AKT2: variants seen among roughly 807,000 people sequenced by gnomAD.
The protein encoded by AKT2 is AKT serine/threonine kinase 2, also known as RAC-beta serine/threonine-protein kinase.
A neutral mutation model predicts 58.6 loss-of-function variants in AKT2; 16 were observed. The observed-to-expected ratio is 0.27, with a 90% CI of 0.18 to 0.41. The LOEUF is 0.41. Ranked by LOEUF, AKT2 falls within the 10% of genes least tolerant of loss-of-function variation. The probability of loss-of-function intolerance (pLI) is 1.00; values close to 1 mark genes in which losing one functional copy is unlikely to be tolerated. For missense variants in AKT2, 438 were observed against 661.0 expected (o/e 0.66, Z 3.70); for synonymous variants, 253 against 254.0 (o/e 1.00, Z 0.04).
chr19:40,283,770 TTCCTCCCTGG>T (rs1182864170), intron 1 of AKT2, among the ~76,000 whole-genome samples: 1 of 152,106 alleles, frequency 6.6e-6, no homozygotes, highest in East Asian at 1.9e-4. Context: ...CAGAGCAGCC[TTCCTCCCTGG>T]GCCAGGCTGG....
chr19:40,259,005 C>T (rs1190288551), intron 2 of AKT2, among the ~76,000 whole-genome samples: 1 of 152,050 alleles, frequency 6.6e-6, no homozygotes, highest in East Asian at 1.9e-4. Context: ...TCAAAATTTA[C>T]TATACAAAGC....
At chr19:40,265,432 C>A in intron 1 of AKT2, 81 bp from the exon 2 acceptor site, 1 of 1,505,686 alleles carries the variant, frequency 6.6e-7, no homozygotes. Flanking sequence ...GGCTCTGAGG[C>A]CCTCTGGCTG....
In AKT2 at chr19:40,234,605, C is replaced by T; in HGVS notation, c.1366+440G>A. 2.2e-6 allele frequency: 1 copy of T among 449,438 alleles called. No individual in the cohort carries two copies. 27.8% of individuals were successfully genotyped at this position (449,438 alleles called of 1,614,324 possible). A position where few individuals can be genotyped will look rare whatever the true frequency, so the allele number is the denominator to read the frequency against. On this transcript the variant is annotated intron_variant, in intron 13 of 13. Coordinates refer to ENST00000392038, the MANE Select transcript of AKT2 (RefSeq NM_001626.6). The surrounding 1 kb of genome is among the most constrained non-coding windows in gnomAD (Gnocchi z 4.7). Reference sequence around the variant, plus strand: ...CAGGTCGGATATTTCCTCTGGGATTCCCCAGTCCCTGGCCTCCCACGCCCT... The same window carrying T: ...CAGGTCGGATATTTCCTCTGGGATTTCCCAGTCCCTGGCCTCCCACGCCCT...
intron 2 of AKT2, among the ~76,000 whole-genome samples, chr19:40,258,764 C>T (rs1288625495): frequency 6.6e-6 from 1 of 151,568 alleles, no homozygotes; most frequent in East Asian, 1.9e-4. Context: ...TAGAGATCTA[C>T]ATAAATGCAA....
In AKT2 at chr19:40,237,029, C is replaced by T. The variant is rs1974075152; in HGVS notation, c.832-644G>A. 1 of 172,016 alleles carries T rather than the reference C, an allele frequency of 5.8e-6. No individual in the cohort carries two copies. The highest frequency in any genetic ancestry group is 5.5e-5 in the Admixed American group (1 of 18,236). The allele number at this position is 172,016 out of a possible 1,614,324, so 10.7% of individuals were successfully genotyped here. ...CCTCTACTTCCCATCTGTACCACTGCACACAGACACACCTGTGAACTGTGG... is the reference window on the plus strand; with the variant it reads ...CCTCTACTTCCCATCTGTACCACTGTACACAGACACACCTGTGAACTGTGG... On this transcript the variant is annotated intron_variant, in intron 9 of 13. Transcript: ENST00000392038. The surrounding 1 kb of genome is among the most constrained non-coding windows in gnomAD (Gnocchi z 4.5).
intron 4 of AKT2, among the ~76,000 whole-genome samples, chr19:40,249,450 T>TGG (rs1187616854): frequency 2.0e-5 from 3 of 152,220 alleles, no homozygotes; most frequent in African/African-American, 7.2e-5. Flanking sequence ...ACACGGCAGC[T>TGG]GGCCTGAATC....
intron 4 of AKT2, among the ~76,000 whole-genome samples, chr19:40,254,328 G>A (rs922675729): frequency 6.6e-6 from 1 of 152,064 alleles, no homozygotes; most frequent in African/African-American, 2.4e-5. Flanking sequence ...AAAAGTTCGA[G>A]ACCAGTGTGG....
In AKT2 at chr19:40,285,258, T is replaced by C; in HGVS notation, c.-162A>G. ...GCCACGCTGCGCTGGTTCCCTTTCCTTGTGTTTCCCGGCAGCGGCAACGGC... is the reference window on the plus strand; with the variant it reads ...GCCACGCTGCGCTGGTTCCCTTTCCCTGTGTTTCCCGGCAGCGGCAACGGC... On this transcript the variant is annotated 5_prime_UTR_variant, in exon 1 of 14. Transcript: ENST00000392038. 5.1e-6 allele frequency: 2 copies of C among 395,288 alleles called. No individual in the cohort carries two copies. Among genetic ancestry groups the C allele is most frequent in the Non-Finnish European group, 8.9e-6 (2 of 223,978 alleles). 24.5% of individuals were successfully genotyped at this position (395,288 alleles called of 1,614,324 possible).
At chr19:40,267,926 G>C (rs924494832) in intron 1 of AKT2, among the ~76,000 whole-genome samples, 1 of 139,028 alleles carries the variant, frequency 7.2e-6, no homozygotes, top group African/African-American at 2.7e-5. Context: ...GCAGACACCC[G>C]AGTTAACTGA....
chr19:40,285,308 G>A lies in AKT2; in HGVS notation c.-212C>T. On this transcript the variant is annotated 5_prime_UTR_variant, in exon 1 of 14. Coordinates refer to ENST00000392038, the MANE Select transcript of AKT2 (RefSeq NM_001626.6). The stretch of plus-strand genomic sequence containing the variant: ...CGCCGGCAGCGGCAGCGGCGGCGGC[G>A]ACGCCTCCTCCGAGGCAGGCCCAAC... The A allele has an allele frequency of 5.1e-6, 2 of 394,648 alleles. No individual in the cohort carries two copies. The highest frequency in any genetic ancestry group is 7.2e-5 in the East Asian group (2 of 27,780). The allele number at this position is 394,648 out of a possible 1,614,324, so 24.4% of individuals were successfully genotyped here. A position where few individuals can be genotyped will look rare whatever the true frequency, so the allele number is the denominator to read the frequency against.
chr19:40,241,293 GCTCTGATGGCAGCA>G (rs1974391006), intron 6 of AKT2: 1 of 160,270 alleles, frequency 6.2e-6, no homozygotes, highest in Admixed American at 5.9e-5. Flanking sequence ...AATTTGGTTG[GCTCTGATGGCAGCA>G]CCACATGATT....
intron 6 of AKT2, 102 bp from the exon 7 acceptor site, chr19:40,240,212 C>T (rs1599970673): frequency 1.6e-6 from 2 of 1,220,918 alleles, no homozygotes; most frequent in Admixed American, 1.7e-5. Context: ...ATTCCATTCC[C>T]AGCCATAAAT....
At position 40,230,346 on chromosome 19, in the gene AKT2, C is replaced by T. The variant is rs1482397438; in HGVS notation, c.*3526G>A. On this transcript the variant is annotated 3_prime_UTR_variant, in exon 14 of 14. Coordinates refer to ENST00000392038, the MANE Select transcript of AKT2 (RefSeq NM_001626.6). The stretch of plus-strand genomic sequence containing the variant: ...GATGGATAGCTAGTTTATTACAGGA[C>T]TGCTGGTAGCACCAAACGAAACCAA... 2.3e-5 allele frequency: 5 copies of T among 215,152 alleles called. No homozygotes were observed. The highest frequency in any genetic ancestry group is 4.5e-5 in the African/African-American group (2 of 44,246). 13.3% of individuals were successfully genotyped at this position (215,152 alleles called of 1,614,324 possible).
In AKT2 at chr19:40,242,154, C is replaced by A; in HGVS notation, c.442-85G>T. 1 of 1,581,634 alleles carries A rather than the reference C, an allele frequency of 6.3e-7. No homozygotes were observed. The highest frequency in any genetic ancestry group is 1.1e-5 in the South Asian group (1 of 89,866). ...ATTTTAACAAAAGAAAGAGGAAAAC[C>A]AAAAGACACTGTTGCCAAACGGCTT... On this transcript the variant is annotated intron_variant, in intron 5 of 13. Transcript: ENST00000392038. This position sits in a 1 kb window ranked among gnomAD's most constrained non-coding sequence, Gnocchi z 4.3.
intron 6 of AKT2, 169 bp from the exon 7 acceptor site, chr19:40,240,279 C>A: frequency 1.2e-6 from 1 of 810,622 alleles, no homozygotes; most frequent in Non-Finnish European, 2.2e-6. Context: ...AAATAGCAGA[C>A]CCAGACGAGG....
At position 40,235,275 on chromosome 19, in the gene AKT2, C is replaced by T; in HGVS notation, c.1251G>A (p.Val417=). The change falls in exon 12 of 14, where the codon GTG becomes GTA. Residue 417 remains valine, a synonymous_variant. Coordinates refer to ENST00000392038, the MANE Select transcript of AKT2 (RefSeq NM_001626.6). This position sits in a 1 kb window ranked among gnomAD's most constrained non-coding sequence, Gnocchi z 6.3. ...RFFLSINWQD[V]VQKKLLPPFK... ...CAGTGGGGCTCACCTTCTTCTGGAC[C>T]ACGTCCTGCCAGTTGATGCTGAGGA... 6.2e-7 allele frequency: 1 copy of T among 1,614,038 alleles called. No individual in the cohort carries two copies. The highest frequency in any genetic ancestry group is 1.1e-5 in the South Asian group (1 of 91,078).
rs1255018482 is a variant in AKT2, at chr19:40,245,985, C to T, written c.288-3298G>A. On this transcript the variant is annotated intron_variant, in intron 4 of 13. Transcript: ENST00000392038. ...CGGTGTTGGCTTCTGCACTCCCTGGCCCAACATCTCAAGCCAGTATTTCTC... is the reference window on the plus strand; with the variant it reads ...CGGTGTTGGCTTCTGCACTCCCTGGTCCAACATCTCAAGCCAGTATTTCTC... Among the ~76,000 whole-genome samples the T allele has an allele frequency of 3.3e-5, 5 of 152,128 alleles. No individual in the cohort carries two copies. In the East Asian group the frequency reaches 9.7e-4, roughly 29 times the overall value.
At position 40,239,002 on chromosome 19, in the gene AKT2, G is replaced by A. The variant is rs528470494; in HGVS notation, c.640-29C>T. 3.1e-6 allele frequency: 5 copies of A among 1,609,380 alleles called. No homozygotes were observed. In the South Asian group the frequency reaches 5.5e-5, roughly 18 times the overall value. ...GGGGATGAAGGCAGCAGGGTGGGAG[G>A]TGGGAGGGAGGAGGGCTCTGCTGAG... is the stretch of plus-strand genomic sequence containing the variant. On this transcript the variant is annotated intron_variant, in intron 7 of 13. Coordinates refer to ENST00000392038, the MANE Select transcript of AKT2 (RefSeq NM_001626.6).
In AKT2 at chr19:40,265,344, G is replaced by A. The variant is rs755419135; in HGVS notation, c.-77C>T. 1.6e-4 allele frequency: 248 copies of A among 1,574,930 alleles called. No individual in the cohort carries two copies. The highest frequency in any genetic ancestry group is 1.7e-4 in the Non-Finnish European group (201 of 1,162,032). On this transcript the variant is annotated 5_prime_UTR_variant, in exon 2 of 14. Transcript: ENST00000392038. ...GACATGCAGGAGGCACCGTGGACAG[G>A]GCACAGTCTGCAAGACAAGAGAGGA...
Sources: allele counts gnomAD v4.1 joint callset (sites outside exome capture counted in the v4.1 genomes callset), GRCh38; gene constraint gnomAD v4.1.1; non-coding constraint Gnocchi (gnomAD v3.1); transcripts MANE v1.5; gene names NCBI Gene and HGNC (gene_info 2026-07-23, HGNC 2026-07-21).